Variants in HEATR3 observed in about 807,000 individuals in gnomAD.
HEATR3 encodes HEAT repeat-containing protein 3.
HEATR3 carries 56 observed loss-of-function variants against 72.8 expected under a neutral mutation model. That is an observed-to-expected ratio of 0.77 (90% CI 0.62 to 0.96). The LOEUF (loss-of-function observed/expected upper bound fraction) is 0.96. HEATR3 is among the 40% of genes least tolerant of loss of function. HEATR3 has a pLI of 0.00. For synonymous variants in HEATR3, 331 were observed against 318.1 expected, an observed-to-expected ratio of 1.04 and a Z score of -0.43; for missense variants, 747 against 831.4, an observed-to-expected ratio of 0.90 and a Z score of 1.25.
intron 7 of HEATR3, among the ~76,000 whole-genome samples, chr16:50,079,397 A>G (rs891102817): frequency 1.2e-4 from 18 of 152,192 alleles, no homozygotes; most frequent in Admixed American, 2.0e-4. Context: ...TGTCCCTTGC[A>G]TTCTTGCCTC....
chr16:50,105,116 TAAA>T lies in HEATR3; in HGVS notation c.*57_*59del. 6.5e-7 allele frequency: 1 copy of T among 1,535,796 alleles called. No individual in the cohort carries two copies. Among genetic ancestry groups the T allele is most frequent in the East Asian group, 2.3e-5 (1 of 44,336 alleles). ...CCAAAGTATTCAATGCTTAGAATAC[TAAA>T]AGGTTTTCTTTGAATGTATATGTTT... is the stretch of plus-strand genomic sequence containing the variant. On this transcript the variant is annotated 3_prime_UTR_variant, in exon 15 of 15. Transcript: ENST00000299192.
intron 12 of HEATR3, among the ~76,000 whole-genome samples, chr16:50,098,626 A>G (rs1021611607): frequency 1.3e-5 from 2 of 152,164 alleles, no homozygotes; most frequent in Admixed American, 1.3e-4. Flanking sequence ...ACTGTAATCC[A>G]GCCTGGGCGA....
chr16:50,090,679 A>G (rs2037090029), intron 11 of HEATR3, among the ~76,000 whole-genome samples: 1 of 152,040 alleles, frequency 6.6e-6, no homozygotes, highest in Non-Finnish European at 1.5e-5. Context: ...GCAATGTTGT[A>G]TTTCATATTG....
At position 50,105,054 on chromosome 16, in the gene HEATR3, CT is replaced by C; in HGVS notation, c.2038del (p.Ser680LeufsTer18). On this transcript the variant is annotated frameshift_variant, in exon 15 of 15. Transcript: ENST00000299192. LOFTEE classifies it high-confidence loss of function. The stretch of plus-strand genomic sequence containing the variant: ...CAAGAAACTGTTGAGAAAAGACTGA[CT>C]TCTTAAACAATCCAAAAAAGAAACC... Reference protein sequence around the residue: ...AYQETVEKRLTS With the variant: ...AYQETVEKRLXS The C allele has an allele frequency of 6.2e-7, 1 of 1,608,914 alleles. No homozygotes were observed. The highest frequency in any genetic ancestry group is 1.1e-5 in the South Asian group (1 of 89,274).
chr16:50,096,580 C>T (rs1463419605), intron 12 of HEATR3, among the ~76,000 whole-genome samples: 2 of 152,104 alleles, frequency 1.3e-5, no homozygotes, highest in Admixed American at 6.5e-5. Context: ...CAGTGGACCA[C>T]GTAAGGTCTG....
intron 7 of HEATR3, among the ~76,000 whole-genome samples, chr16:50,081,048 G>A (rs1009987784): frequency 6.6e-6 from 1 of 152,218 alleles, no homozygotes; most frequent in Non-Finnish European, 1.5e-5. Flanking sequence ...GTTGAAAAAC[G>A]ATTGATATTT....
At chr16:50,094,442 T>C (rs752749080) in intron 11 of HEATR3, among the ~76,000 whole-genome samples, 2 of 152,218 alleles carry the variant, frequency 1.3e-5, no homozygotes, top group Non-Finnish European at 2.9e-5. Context: ...GAAAACCCAG[T>C]GTCTGGAAGT....
At chr16:50,096,354 GA>G (rs58441252) in intron 12 of HEATR3, among the ~76,000 whole-genome samples, 114,043 of 143,144 alleles carry the variant, frequency 0.8, 45,216 homozygotes, top group South Asian at 0.84. Context: ...AACAGAAAAA[GA>G]AAAAAACGTC....
rs375242475 is a variant in HEATR3, at chr16:50,079,303, C to T, written c.1041+285C>T. ...CACTTTAGAAATAGATGATCACCTT[C>T]GTAACTCTTGCTTCTCCCCACTTCT... On this transcript the variant is annotated intron_variant, in intron 7 of 14. Transcript: ENST00000299192. 1.2e-4 allele frequency among the ~76,000 whole-genome samples: 18 copies of T among 152,260 alleles called. No homozygotes were observed. The East Asian group carries it at 1.9e-3, about 16-fold the overall frequency.
At chr16:50,068,966 A>G (rs2036555980) in intron 3 of HEATR3, 99 bp downstream of exon 3, 1 of 766,536 alleles carries the variant, frequency 1.3e-6, no homozygotes, top group Middle Eastern at 2.4e-4. Context: ...CTATCTAAAC[A>G]TCTTATGGAA....
chr16:50,092,229 G>A (rs543154093), intron 11 of HEATR3, among the ~76,000 whole-genome samples: 4 of 151,698 alleles, frequency 2.6e-5, no homozygotes, highest in African/African-American at 7.3e-5. Context: ...CCAGCTACTC[G>A]GGAGGCTGAG....
At chr16:50,066,603 G>T in intron 2 of HEATR3, 64 bp downstream of exon 2, 27 of 1,239,106 alleles carry the variant, frequency 2.2e-5, no homozygotes, top group East Asian at 1.3e-4. Context: ...GGCTGCGGGC[G>T]GTCGCAGCGG....
At chr16:50,095,093 C>A (rs1349980858) in intron 12 of HEATR3, among the ~76,000 whole-genome samples, 2 of 151,590 alleles carry the variant, frequency 1.3e-5, no homozygotes. Flanking sequence ...TAAATAATTT[C>A]TCTATCATTG....
chr16:50,081,792 G>A (rs1024663078), intron 7 of HEATR3, among the ~76,000 whole-genome samples: 3 of 152,084 alleles, frequency 2.0e-5, no homozygotes, highest in Non-Finnish European at 4.4e-5. Flanking sequence ...TTTTTTTGTG[G>A]GGGCACATGC....
At chr16:50,093,257 G>A (rs994885838) in intron 11 of HEATR3, among the ~76,000 whole-genome samples, 5 of 152,236 alleles carry the variant, frequency 3.3e-5, no homozygotes, top group African/African-American at 1.2e-4. Flanking sequence ...CAGGAAGTGA[G>A]TGTATCTATT....
At chr16:50,069,067 A>G (rs992972740) in intron 3 of HEATR3, among the ~76,000 whole-genome samples, 200 bp downstream of exon 3, 11 of 152,220 alleles carry the variant, frequency 7.2e-5, no homozygotes, top group Admixed American at 7.2e-4. Flanking sequence ...GATAGTTGGA[A>G]AAGACTTTCC....
chr16:50,079,025 C>G lies in HEATR3; in HGVS notation c.1041+7C>G, dbSNP rs1232290892. On this transcript the variant is annotated splice_region_variant and intron_variant, in intron 7 of 14. Transcript: ENST00000299192. ...CGTTTCAGATTTACTTCCGGTAAGT[C>G]AGGTTGCTGTTCTCAAATATGGATT... is the stretch of plus-strand genomic sequence containing the variant. 2 of 1,606,644 alleles carry G rather than the reference C, an allele frequency of 1.2e-6. No individual in the cohort carries two copies. Among genetic ancestry groups the G allele is most frequent in the East Asian group, 2.2e-5 (1 of 44,710 alleles).
At chr16:50,075,844 T>C in intron 6 of HEATR3, 133 bp downstream of exon 6, 2 of 703,618 alleles carry the variant, frequency 2.8e-6, no homozygotes, top group Admixed American at 2.4e-5. Context: ...AATTTTAATA[T>C]CTGAGAAGAG....
rs2037334290 is a variant in HEATR3 at position 50,100,147 on chromosome 16, G to C, written c.1600-83G>C. ...TTAAAATCCTGTAGCCTATAGAGGA[G>C]ATTCCTGTCAGTCCGGTTTTCACAT... On this transcript the variant is annotated intron_variant, in intron 12 of 14. Coordinates refer to ENST00000299192, the MANE Select transcript of HEATR3 (RefSeq NM_182922.4). The C allele has an allele frequency of 1.2e-5, 17 of 1,367,274 alleles. No homozygotes were observed. The South Asian group carries it at 2.1e-4, about 17-fold the overall frequency. 84.7% of individuals were successfully genotyped at this position (1,367,274 alleles called of 1,614,324 possible). A position where few individuals can be genotyped will look rare whatever the true frequency, so the allele number is the denominator to read the frequency against.
Sources: allele counts gnomAD v4.1 joint callset (sites outside exome capture counted in the v4.1 genomes callset), GRCh38; gene constraint gnomAD v4.1.1; transcripts MANE v1.5; gene names NCBI Gene and HGNC (gene_info 2026-07-23, HGNC 2026-07-21).